C8A: variants seen among roughly 807,000 people sequenced by gnomAD.
C8A encodes complement C8 alpha chain, also known as complement component C8 alpha chain.
C8A carries 67 observed loss-of-function variants against 65.3 expected under a neutral mutation model. The ratio of observed to expected loss-of-function variants is 1.03; its 90% CI spans 0.84 to 1.26. The LOEUF (loss-of-function observed/expected upper bound fraction) is 1.26. C8A is among the 50% of genes most tolerant of loss of function. C8A has a pLI of 0.00. For synonymous variants in C8A, 290 were observed against 259.4 expected, an observed-to-expected ratio of 1.12 and a Z score of -1.13; for missense variants, 781 against 723.9, an observed-to-expected ratio of 1.08 and a Z score of -0.90.
At chr1:56,884,067 T>TAAA (rs61268937) in intron 6 of C8A, among the ~76,000 whole-genome samples, 2 of 126,328 alleles carry the variant, frequency 1.6e-5, no homozygotes, top group Non-Finnish European at 3.5e-5. Context: ...ACTGGTATGC[T>TAAA]AAAAAAAAAA....
chr1:56,903,375 T>C (rs1450669237), intron 7 of C8A, among the ~76,000 whole-genome samples: 4 of 152,130 alleles, frequency 2.6e-5, no homozygotes, highest in African/African-American at 4.8e-5. Flanking sequence ...GAAGGATGTG[T>C]TTGCTTCCCC....
chr1:56,885,460 GTAAATATATATTTATT>G (rs1644290938), intron 6 of C8A, among the ~76,000 whole-genome samples: 3 of 76,094 alleles, frequency 3.9e-5, no homozygotes, highest in South Asian at 3.8e-4. Flanking sequence ...ATATATTTCC[GTAAATATATATTTATT>G]TAAATATATA....
intron 7 of C8A, among the ~76,000 whole-genome samples, chr1:56,900,149 T>C (rs1313013106): frequency 6.6e-6 from 1 of 152,184 alleles, no homozygotes; most frequent in Non-Finnish European, 1.5e-5. Context: ...AGTCAGGGAA[T>C]GAGGAGTTGG....
chr1:56,912,706 G>A (rs762437513), intron 10 of C8A, 81 bp downstream of exon 10: 21 of 1,308,916 alleles, frequency 1.6e-5, no homozygotes, highest in South Asian at 1.1e-4. Context: ...TGGGGTTCCC[G>A]GCCCCTCCTT....
chr1:56,875,034 G>A lies in C8A; in HGVS notation c.257G>A (p.Ser86Asn). Residue 86 changes from serine (S) to asparagine (N), a missense_variant, in exon 3 of 11, where the codon AGT (serine) becomes AAT (asparagine). Transcript: ENST00000361249. ...GDIWDQASCS[S>N]STTCVRQAQC... The stretch of plus-strand genomic sequence containing the variant: ...ATCTGGGATCAAGCCAGCTGCTCCA[G>A]TTCTACAACTTGTGTAAGGCAAGCA... 6.2e-7 allele frequency: 1 copy of A among 1,613,752 alleles called. No homozygotes were observed. Among genetic ancestry groups the A allele is most frequent in the East Asian group, 2.2e-5 (1 of 44,848 alleles).
Position 56,874,992 on chromosome 1 carries a change from C to T in C8A, c.215C>T (p.Thr72Ile), listed in dbSNP as rs867027576. 6.2e-7 allele frequency: 1 copy of T among 1,613,742 alleles called. No individual in the cohort carries two copies. The highest frequency in any genetic ancestry group is 2.2e-5 in the East Asian group (1 of 44,844). ...TTGCAGCCAAACAAGTTTGGGGGAA[C>T]CATCTGCAGTGGTGACATCTGGGAT... is the stretch of plus-strand genomic sequence containing the variant. ...SLLQPNKFGGTICSGDIWDQA... is the reference protein window; with the variant it reads ...SLLQPNKFGGIICSGDIWDQA... The change falls in exon 3 of 11, where the codon ACC becomes ATC. Residue 72 changes from threonine to isoleucine, a missense_variant. By Grantham distance (89) the Thr-to-Ile change is moderately conservative. Transcript: ENST00000361249.
chr1:56,863,238 C>A (rs1570313449), intron 1 of C8A, among the ~76,000 whole-genome samples: 1 of 152,050 alleles, frequency 6.6e-6, no homozygotes, highest in Non-Finnish European at 1.5e-5. Flanking sequence ...CTTTTATAAT[C>A]ATCAAAAAAT....
intron 7 of C8A, among the ~76,000 whole-genome samples, chr1:56,887,926 T>C (rs538365446): frequency 1.3e-5 from 2 of 152,166 alleles, no homozygotes; most frequent in South Asian, 2.1e-4. Context: ...AAGTGGGAGT[T>C]GAACAATGAG....
intron 8 of C8A, 29 bp downstream of exon 8, chr1:56,906,821 A>C (rs780337417): frequency 1.7e-5 from 27 of 1,613,746 alleles, no homozygotes; most frequent in Non-Finnish European, 1.9e-5. Context: ...ATCTCCCAAA[A>C]AGAGAAGCCA....
intron 1 of C8A, among the ~76,000 whole-genome samples, chr1:56,866,920 A>G (rs1644094949): frequency 6.6e-6 from 1 of 152,236 alleles, no homozygotes; most frequent in Non-Finnish European, 1.5e-5. Context: ...GGGTTTTGCC[A>G]TCAAACCAAC....
chr1:56,884,067 TA>T (rs61268937), intron 6 of C8A, among the ~76,000 whole-genome samples: 20,571 of 126,262 alleles, frequency 0.16, 2,735 homozygotes, highest in African/African-American at 0.4. Context: ...ACTGGTATGC[TA>T]AAAAAAAAAA....
At chr1:56,864,439 C>A (rs1041710947) in intron 1 of C8A, among the ~76,000 whole-genome samples, 5 of 151,868 alleles carry the variant, frequency 3.3e-5, no homozygotes, top group Non-Finnish European at 5.9e-5. Context: ...AATGGAGATC[C>A]CAATGAGGTT....
intron 7 of C8A, among the ~76,000 whole-genome samples, chr1:56,887,223 A>G (rs1176884270): frequency 6.6e-6 from 1 of 152,172 alleles, no homozygotes; most frequent in African/African-American, 2.4e-5. Flanking sequence ...TTTTCCAGTA[A>G]TGGGATTGCT....
intron 7 of C8A, among the ~76,000 whole-genome samples, chr1:56,902,058 A>G (rs772989727): frequency 2.6e-4 from 40 of 152,152 alleles, no homozygotes; most frequent in Non-Finnish European, 2.9e-4. Flanking sequence ...GGATCATGGC[A>G]TTAGAGGTCA....
At chr1:56,910,542 C>T (rs1644497259) in intron 9 of C8A, among the ~76,000 whole-genome samples, 1 of 152,200 alleles carries the variant, frequency 6.6e-6, no homozygotes, top group African/African-American at 2.4e-5. Context: ...AGAGAAATTG[C>T]TCAATGGTCC....
chr1:56,910,726 C>T (rs1033723948), intron 9 of C8A, among the ~76,000 whole-genome samples: 2 of 152,232 alleles, frequency 1.3e-5, no homozygotes, highest in Admixed American at 1.3e-4. Flanking sequence ...TCAACCGCAA[C>T]CCCTGACCAC....
At chr1:56,877,200 T>C (rs1267196353) in intron 4 of C8A, among the ~76,000 whole-genome samples, 3 of 152,184 alleles carry the variant, frequency 2.0e-5, no homozygotes, top group Non-Finnish European at 4.4e-5. Flanking sequence ...CTTGGACTCC[T>C]AGCCTCCAGA....
In C8A at chr1:56,881,552, A is replaced by ACTC. The variant is rs1644247938; in HGVS notation, c.574_576dup (p.Ser192dup). ...GGGGAATGGAGGGAGCTTCGATATG[A>ACTC]CTCCACCTGTGAACGTCTCTACTAT... On this transcript the variant is annotated inframe_insertion, in exon 5 of 11. Transcript: ENST00000361249. The ACTC allele has an allele frequency of 5.0e-6, 8 of 1,613,618 alleles. No individual in the cohort carries two copies. Among genetic ancestry groups the ACTC allele is most frequent in the Non-Finnish European group, 6.8e-6 (8 of 1,179,736 alleles).
chr1:56,891,081 A>AAAAC (rs1488758868), intron 7 of C8A, among the ~76,000 whole-genome samples: 1 of 152,172 alleles, frequency 6.6e-6, no homozygotes, highest in Non-Finnish European at 1.5e-5. Context: ...ACAAGTTGTA[A>AAAAC]AAACAGAGAG....
Sources: gnomAD v4.1 joint callset for allele counts (sites outside exome capture counted in the v4.1 genomes callset) on GRCh38, gnomAD v4.1.1 for gene constraint, MANE v1.5 for transcripts, NCBI Gene and HGNC (gene_info 2026-07-23, HGNC 2026-07-21) for gene names.